Variants in AGAP1 observed in about 807,000 individuals in gnomAD.
AGAP1 encodes ArfGAP with GTPase domain, ankyrin repeat and PH domain 1, also known as arf-GAP with GTPase, ANK repeat and PH domain-containing protein 1.
A neutral mutation model predicts 105.3 loss-of-function variants in AGAP1; 29 were observed. The ratio of observed to expected loss-of-function variants is 0.28; its 90% CI spans 0.21 to 0.38. The LOEUF (loss-of-function observed/expected upper bound fraction) is 0.38. Among genes scored for constraint, AGAP1 ranks in the 10% least tolerant of loss-of-function variants. The pLI, the probability that AGAP1 is intolerant of heterozygous loss-of-function variation, is 1.00. For synonymous variants in AGAP1, 509 were observed against 485.9 expected, an observed-to-expected ratio of 1.05 and a Z score of -0.63; for missense variants, 998 against 1,165.1, an observed-to-expected ratio of 0.86 and a Z score of 2.09.
chr2:236,108,413 G>C (rs1408407058), intron 16 of AGAP1, among the ~76,000 whole-genome samples: 1 of 152,126 alleles, frequency 6.6e-6, no homozygotes, highest in East Asian at 1.9e-4. Flanking sequence ...ACACCAGGCG[G>C]GCGGGTCCCC....
intron 1 of AGAP1, among the ~76,000 whole-genome samples, chr2:235,501,735 C>T (rs1010770633): frequency 6.6e-6 from 1 of 152,070 alleles, no homozygotes; most frequent in African/African-American, 2.4e-5. Flanking sequence ...GATTTCGTTT[C>T]GTCTTATGTT....
intron 6 of AGAP1, among the ~76,000 whole-genome samples, chr2:235,783,822 G>A (rs368583301): frequency 4.6e-5 from 7 of 152,132 alleles, no homozygotes; most frequent in Admixed American, 1.3e-4. Flanking sequence ...TTCATGGACC[G>A]GTACAACTAA....
intron 12 of AGAP1, among the ~76,000 whole-genome samples, chr2:235,947,717 C>A (rs1343343039): frequency 6.6e-6 from 1 of 152,180 alleles, no homozygotes; most frequent in African/African-American, 2.4e-5. Context: ...GTGTCTCCAT[C>A]AGTAGGGGCA....
Position 235,962,033 on chromosome 2 carries a change from G to A in AGAP1, c.1484-6429G>A, listed in dbSNP as rs901533106. On this transcript the variant is annotated intron_variant, in intron 12 of 17. Coordinates refer to ENST00000304032, the MANE Select transcript of AGAP1 (RefSeq NM_001037131.3). This position sits in a 1 kb window ranked among gnomAD's most constrained non-coding sequence, Gnocchi z 5.3. ...TGGAGGGTGTCCTCTTCTGATGGAT[G>A]CTTTTGGTTTTTGGTTTTGTTTTGT... Among the ~76,000 whole-genome samples the A allele has an allele frequency of 6.6e-6, 1 of 151,370 alleles. No individual in the cohort carries two copies. Among genetic ancestry groups the A allele is most frequent in the Non-Finnish European group, 1.5e-5 (1 of 67,984 alleles).
chr2:235,789,005 G>A lies in AGAP1; in HGVS notation c.674-8754G>A, dbSNP rs1956814292. Among the ~76,000 whole-genome samples the A allele has an allele frequency of 1.3e-5, 2 of 152,166 alleles. No homozygotes were observed. The highest frequency in any genetic ancestry group is 6.5e-5 in the Admixed American group (1 of 15,284). ...TGGGAACAGACATTCCTGATTTTTG[G>A]CAGCTCGACTTTGGGATTAAATGTT... On this transcript the variant is annotated intron_variant, in intron 6 of 17. Coordinates refer to ENST00000304032, the MANE Select transcript of AGAP1 (RefSeq NM_001037131.3). This position sits in a 1 kb window ranked among gnomAD's most constrained non-coding sequence, Gnocchi z 4.2.
In AGAP1 at chr2:235,919,660, C is replaced by T. The variant is rs148759691; in HGVS notation, c.1324+10754C>T. ...GTAAAATTCAGAGATGACCGGGGAACGCTCCCCTCAAAACAGTGTTGTCAA... is the reference window on the plus strand; with the variant it reads ...GTAAAATTCAGAGATGACCGGGGAATGCTCCCCTCAAAACAGTGTTGTCAA... On this transcript the variant is annotated intron_variant, in intron 11 of 17. Coordinates refer to ENST00000304032, the MANE Select transcript of AGAP1 (RefSeq NM_001037131.3). This position sits in a 1 kb window ranked among gnomAD's most constrained non-coding sequence, Gnocchi z 4.1. Among the ~76,000 whole-genome samples, 5 of 152,196 alleles carry T rather than the reference C, an allele frequency of 3.3e-5. No homozygotes were observed. Among genetic ancestry groups the T allele is most frequent in the South Asian group, 4.2e-4 (2 of 4,818 alleles).
intron 12 of AGAP1, among the ~76,000 whole-genome samples, chr2:235,941,064 T>C (rs2053236660): frequency 6.6e-6 from 1 of 152,244 alleles, no homozygotes; most frequent in South Asian, 2.1e-4. Context: ...TCTTAATGCT[T>C]TGCATATTGC....
chr2:236,104,934 C>A lies in AGAP1; in HGVS notation c.2115-15258C>A, dbSNP rs2059447646. ...AAAAAGGACTAGCGTGCACAGAGCC[C>A]TCGAGGTACCAGAGCAGAGCTGTGG... On this transcript the variant is annotated intron_variant, in intron 16 of 17. Transcript: ENST00000304032. This position sits in a 1 kb window ranked among gnomAD's most constrained non-coding sequence, Gnocchi z 4.7. Among the ~76,000 whole-genome samples the A allele has an allele frequency of 6.6e-6, 1 of 152,144 alleles. No homozygotes were observed. The highest frequency in any genetic ancestry group is 1.5e-5 in the Non-Finnish European group (1 of 68,030).
At chr2:235,868,932 C>T (rs1271570472) in intron 9 of AGAP1, among the ~76,000 whole-genome samples, 1 of 152,160 alleles carries the variant, frequency 6.6e-6, no homozygotes, top group Non-Finnish European at 1.5e-5. Context: ...GAAAAGGTTC[C>T]TTGGGCTTAA....
intron 2 of AGAP1, among the ~76,000 whole-genome samples, chr2:235,709,818 C>A (rs1416924462): frequency 6.6e-6 from 1 of 152,206 alleles, no homozygotes; most frequent in Non-Finnish European, 1.5e-5. Context: ...CCATCGCAGC[C>A]ACCCTTTCCA....
chr2:235,626,193 CAA>C (rs777311185), intron 1 of AGAP1, among the ~76,000 whole-genome samples: 86 of 129,418 alleles, frequency 6.6e-4, no homozygotes, highest in African/African-American at 1.8e-3. Flanking sequence ...ACTAAAAATA[CAA>C]AAAAAAAAAA....
rs868838705 is a variant in AGAP1 at position 235,616,836 on chromosome 2, G to A, written c.164-92343G>A. Among the ~76,000 whole-genome samples the A allele has an allele frequency of 3.9e-5, 6 of 152,186 alleles. No individual in the cohort carries two copies. The South Asian group carries it at 1.2e-3, about 31-fold the overall frequency. ...AAATCATTTTGTAGCCTAACACTTA[G>A]GAAACGTACTTTTTTGTTGCTTCGC... On this transcript the variant is annotated intron_variant, in intron 1 of 17. Transcript: ENST00000304032.
chr2:236,027,117 A>ATGAC lies in AGAP1; in HGVS notation c.1646-9442_1646-9439dup, dbSNP rs2057079274. Reference sequence around the variant, plus strand: ...CAGATTTCTTCCTGGAAGTTGTAACATGACTATGCAGTTGCTCTATAATCC... The same window carrying ATGAC: ...CAGATTTCTTCCTGGAAGTTGTAACATGACTGACTATGCAGTTGCTCTATAATCC... On this transcript the variant is annotated intron_variant, in intron 13 of 17. Transcript: ENST00000304032. The surrounding 1 kb of genome is among the most constrained non-coding windows in gnomAD (Gnocchi z 4.4). Among the ~76,000 whole-genome samples the ATGAC allele has an allele frequency of 6.6e-6, 1 of 152,224 alleles. No homozygotes were observed.
chr2:235,773,412 A>G (rs1275998899), intron 6 of AGAP1, among the ~76,000 whole-genome samples: 1 of 152,170 alleles, frequency 6.6e-6, no homozygotes, highest in Non-Finnish European at 1.5e-5. Flanking sequence ...ACAAAGTTAC[A>G]CTCCTATGCA....
intron 1 of AGAP1, among the ~76,000 whole-genome samples, chr2:235,513,761 G>T (rs1942255646): frequency 6.6e-6 from 1 of 152,044 alleles, no homozygotes; most frequent in African/African-American, 2.4e-5. Flanking sequence ...TGTTCCATTG[G>T]GTGCATTTCT....
Position 236,123,837 on chromosome 2 carries a change from C to A in AGAP1, c.2371-82C>A. 4 of 1,544,616 alleles carry A rather than the reference C, an allele frequency of 2.6e-6. No homozygotes were observed. The highest frequency in any genetic ancestry group is 3.5e-6 in the Non-Finnish European group (4 of 1,131,570). On this transcript the variant is annotated intron_variant, in intron 17 of 17. Transcript: ENST00000304032. The surrounding 1 kb of genome is among the most constrained non-coding windows in gnomAD (Gnocchi z 4.6). ...CCGCTGTCCAAGCACAAGCCACATG[C>A]AAGGGCTGAGAGAAAGCTTCCCTGC...
intron 13 of AGAP1, among the ~76,000 whole-genome samples, chr2:235,978,980 C>G (rs1473258486): frequency 6.6e-6 from 1 of 152,042 alleles, no homozygotes; most frequent in African/African-American, 2.4e-5. Flanking sequence ...ATTAGATGGG[C>G]TCTGTTATAA....
intron 1 of AGAP1, among the ~76,000 whole-genome samples, chr2:235,616,642 C>T (rs1001635228): frequency 6.6e-6 from 1 of 152,134 alleles, no homozygotes; most frequent in African/African-American, 2.4e-5. Flanking sequence ...GTATAGAAAA[C>T]TTCATAGGTT....
intron 1 of AGAP1, among the ~76,000 whole-genome samples, chr2:235,613,004 G>A (rs1452216596): frequency 1.3e-5 from 2 of 151,814 alleles, no homozygotes; most frequent in African/African-American, 4.8e-5. Context: ...ATTGTAACAA[G>A]AGAATTTTGC....
Sources: allele counts gnomAD v4.1 joint callset (sites outside exome capture counted in the v4.1 genomes callset), GRCh38; gene constraint gnomAD v4.1.1; non-coding constraint Gnocchi (gnomAD v3.1); transcripts MANE v1.5; gene names NCBI Gene and HGNC (gene_info 2026-07-23, HGNC 2026-07-21).